Variants in SLC6A20 observed in about 807,000 individuals in gnomAD.
SLC6A20 encodes sodium- and chloride-dependent transporter XTRP3.
SLC6A20 carries 73 observed loss-of-function variants against 64.3 expected under a neutral mutation model. The ratio of observed to expected loss-of-function variants is 1.14; its 90% confidence interval spans 0.94 to 1.38. The LOEUF is 1.38. Among genes scored for constraint, SLC6A20 ranks in the 40% most tolerant of loss-of-function variants. The probability of loss-of-function intolerance (pLI) is 0.00; values close to 1 mark genes in which losing one functional copy is unlikely to be tolerated. For missense variants in SLC6A20, 725 were observed against 772.8 expected (o/e 0.94, Z 0.73); for synonymous variants, 347 against 329.6 (o/e 1.05, Z -0.57).
rs146879895 is a variant in SLC6A20 at position 45,759,141 on chromosome 3, CTGAG to C, written c.1630-18_1630-15del. Reference sequence around the variant, plus strand: ...CACGAGCTGGCCCTGAAAGGAGAGACTGAGTGTCAGCAGAGAGCACCTGCTGAGC... The same window carrying C: ...CACGAGCTGGCCCTGAAAGGAGAGACTGTCAGCAGAGAGCACCTGCTGAGC... On this transcript the variant is annotated splice_polypyrimidine_tract_variant and intron_variant, in intron 10 of 10. Transcript: ENST00000358525. 588 of 1,604,322 alleles carry C rather than the reference CTGAG, an allele frequency of 3.7e-4. No homozygotes were observed. The African/African-American group carries it at 6.8e-3, about 18-fold the overall frequency.
At chr3:45,773,699 C>T (rs1160471370) in intron 4 of SLC6A20, among the ~76,000 whole-genome samples, 1 of 64,034 alleles carries the variant, frequency 1.6e-5, no homozygotes, top group African/African-American at 3.1e-5. Context: ...ACACTTGGCC[C>T]TCCCTTCCTA....
rs955634724 is a variant in SLC6A20 at position 45,765,475 on chromosome 3, T to C, written c.1303+62A>G. 27 of 1,547,578 alleles carry C rather than the reference T, an allele frequency of 1.7e-5. No individual in the cohort carries two copies. The African/African-American group carries it at 3.7e-4, about 21-fold the overall frequency. On this transcript the variant is annotated intron_variant, in intron 8 of 10. Transcript: ENST00000358525. This position sits in a 1 kb window ranked among gnomAD's most constrained non-coding sequence, Gnocchi z 4.2. ...CATGACCCCTGAGGGAGCTCTCCCCTGTTCACCCCCACGCCTTGGCCCTCC... is the reference window on the plus strand; with the variant it reads ...CATGACCCCTGAGGGAGCTCTCCCCCGTTCACCCCCACGCCTTGGCCCTCC...
intron 8 of SLC6A20, among the ~76,000 whole-genome samples, chr3:45,764,226 G>A (rs1699731810): frequency 6.6e-6 from 1 of 152,218 alleles, no homozygotes; most frequent in South Asian, 2.1e-4. Context: ...GATCTGAAAT[G>A]TCCATCAACA....
intron 7 of SLC6A20, among the ~76,000 whole-genome samples, chr3:45,768,853 A>G (rs1276034726): frequency 6.6e-6 from 1 of 152,248 alleles, no homozygotes; most frequent in Admixed American, 6.5e-5. Flanking sequence ...TGCATTAAAT[A>G]TAAGAATTAG....
chr3:45,793,094 G>T (rs1700283877), intron 1 of SLC6A20, among the ~76,000 whole-genome samples: 1 of 152,194 alleles, frequency 6.6e-6, no homozygotes, highest in African/African-American at 2.4e-5. Flanking sequence ...AGCAATTTGG[G>T]GTAAGCAGTA....
At chr3:45,777,318 C>T (rs1303550774) in intron 3 of SLC6A20, among the ~76,000 whole-genome samples, 2 of 150,390 alleles carry the variant, frequency 1.3e-5, no homozygotes, top group Non-Finnish European at 3.0e-5. Context: ...ACGCCCACCC[C>T]TGCAATACCT....
At chr3:45,786,130 T>G (rs1700165800) in intron 1 of SLC6A20, among the ~76,000 whole-genome samples, 1 of 152,262 alleles carries the variant, frequency 6.6e-6, no homozygotes. Flanking sequence ...ACTAATTTTT[T>G]TTCTTTTTAC....
At chr3:45,781,235 A>C (rs1008250487) in intron 2 of SLC6A20, among the ~76,000 whole-genome samples, 2 of 151,842 alleles carry the variant, frequency 1.3e-5, no homozygotes, top group Non-Finnish European at 2.9e-5. Context: ...AAAAAAAAAA[A>C]TTAATAGCCA....
rs1699535138 is a variant in SLC6A20 at position 45,756,000 on chromosome 3, T to G, written c.*2978A>C. On this transcript the variant is annotated 3_prime_UTR_variant, in exon 11 of 11. Coordinates refer to ENST00000358525, the MANE Select transcript of SLC6A20 (RefSeq NM_020208.4). ...TGTTCTTTCTTTTTTAAATGGGGCC[T>G]CTCAGATTTGGCTGCACATCGGATC... 6.6e-6 allele frequency: 1 copy of G among 152,196 alleles called. No individual in the cohort carries two copies. Among genetic ancestry groups the G allele is most frequent in the South Asian group, 2.1e-4 (1 of 4,822 alleles). 9.4% of individuals were successfully genotyped at this position (152,196 alleles called of 1,614,324 possible).
intron 1 of SLC6A20, among the ~76,000 whole-genome samples, chr3:45,794,511 G>C (rs1249767266): frequency 6.6e-6 from 1 of 152,082 alleles, no homozygotes; most frequent in Non-Finnish European, 1.5e-5. Flanking sequence ...CCATCCAGCC[G>C]AAGCATCCTC....
intron 2 of SLC6A20, among the ~76,000 whole-genome samples, chr3:45,780,633 C>A (rs1170725485): frequency 1.3e-5 from 2 of 152,114 alleles, no homozygotes; most frequent in Non-Finnish European, 2.9e-5. Flanking sequence ...GGGGAGGGGG[C>A]TGCCCGTAAT....
chr3:45,775,729 G>A (rs753389636), intron 4 of SLC6A20, 32 bp downstream of exon 4: 1 of 1,592,926 alleles, frequency 6.3e-7, no homozygotes, highest in Non-Finnish European at 8.6e-7. Context: ...CACCCACCAG[G>A]AGCACCGGGC....
At position 45,757,309 on chromosome 3, in the gene SLC6A20, G is replaced by A. The variant is rs150730182; in HGVS notation, c.*1669C>T. The A allele has an allele frequency of 6.6e-6, 1 of 151,880 alleles. No individual in the cohort carries two copies. Among genetic ancestry groups the A allele is most frequent in the Admixed American group, 6.6e-5 (1 of 15,224 alleles). The allele number at this position is 151,880 out of a possible 1,614,324, so 9.4% of individuals were successfully genotyped here. A position where few individuals can be genotyped will look rare whatever the true frequency, so the allele number is the denominator to read the frequency against. ...TCCTCCTCAGCACCGACCCTTTACA[G>A]GTGTCGGGCTGGGGGACAGTCAGGT... On this transcript the variant is annotated 3_prime_UTR_variant, in exon 11 of 11. Transcript: ENST00000358525.
chr3:45,785,613 T>TTCTCTCTCTCTCTCTC (rs60563353), intron 1 of SLC6A20, among the ~76,000 whole-genome samples: 1,748 of 140,968 alleles, frequency 0.012, 31 homozygotes, highest in Non-Finnish European at 0.017. Flanking sequence ...AAACTCCCCT[T>TTCTCTCTCTCTCTCTC]TCTCTCTCTC....
intron 4 of SLC6A20, among the ~76,000 whole-genome samples, chr3:45,774,522 C>T (rs1699932433): frequency 6.6e-6 from 1 of 152,190 alleles, no homozygotes; most frequent in Non-Finnish European, 1.5e-5. Context: ...CTTTCCTCAG[C>T]CATGGCACAG....
Position 45,758,766 on chromosome 3 carries a change from G to A in SLC6A20, c.*212C>T, listed in dbSNP as rs1357073612. On this transcript the variant is annotated 3_prime_UTR_variant, in exon 11 of 11. Coordinates refer to ENST00000358525, the MANE Select transcript of SLC6A20 (RefSeq NM_020208.4). ...TTCATAGCCCACCCCCTTCCATGAT[G>A]AGGAGGCAGGTGACAGGGAGGAACA... is the stretch of plus-strand genomic sequence containing the variant. 2 of 1,327,362 alleles carry A rather than the reference G, an allele frequency of 1.5e-6. No homozygotes were observed. Among genetic ancestry groups the A allele is most frequent in the East Asian group, 6.0e-5 (2 of 33,530 alleles). The allele number at this position is 1,327,362 out of a possible 1,614,324, so 82.2% of individuals were successfully genotyped here.
intron 2 of SLC6A20, among the ~76,000 whole-genome samples, chr3:45,781,567 T>C (rs1700084960): frequency 6.6e-6 from 1 of 152,194 alleles, no homozygotes; most frequent in African/African-American, 2.4e-5. Context: ...AACAGTCCTC[T>C]CCTGCTGTCC....
chr3:45,779,675 C>T (rs1700035927), intron 3 of SLC6A20, among the ~76,000 whole-genome samples: 1 of 152,216 alleles, frequency 6.6e-6, no homozygotes, highest in African/African-American at 2.4e-5. Context: ...CAGATTTCCT[C>T]CTAGGCACAC....
At chr3:45,767,677 C>G (rs1699798684) in intron 7 of SLC6A20, among the ~76,000 whole-genome samples, 1 of 152,020 alleles carries the variant, frequency 6.6e-6, no homozygotes, top group Non-Finnish European at 1.5e-5. Flanking sequence ...AACATTGGAC[C>G]CTTAGATCCA....
Sources: allele counts gnomAD v4.1 joint callset (sites outside exome capture counted in the v4.1 genomes callset), GRCh38; gene constraint gnomAD v4.1.1; non-coding constraint Gnocchi (gnomAD v3.1); transcripts MANE v1.5; gene names NCBI Gene and HGNC (gene_info 2026-07-23, HGNC 2026-07-21).